Variants in GPR39 observed in about 807,000 individuals in gnomAD.
GPR39 encodes the protein zinc sensing receptor.
A neutral mutation model predicts 18.4 loss-of-function variants in GPR39; 23 were observed. The observed-to-expected ratio is 1.25, with a 90% CI of 0.90 to 1.77. The LOEUF is 1.77. Among genes scored for constraint, GPR39 ranks in the 40% most tolerant of loss-of-function variants. GPR39 has a pLI of 0.00. For missense variants in GPR39, 647 were observed against 602.4 expected, an observed-to-expected ratio of 1.07 and a Z score of -0.78; for synonymous variants, 280 against 257.9, an observed-to-expected ratio of 1.09 and a Z score of -0.82.
At chr2:132,551,522 T>C (rs1422598974) in intron 1 of GPR39, among the ~76,000 whole-genome samples, 1 of 152,186 alleles carries the variant, frequency 6.6e-6, no homozygotes, top group Non-Finnish European at 1.5e-5. Context: ...GTATGTAATA[T>C]GTTTGGAGTA....
At chr2:132,478,467 T>C (rs951749974) in intron 1 of GPR39, among the ~76,000 whole-genome samples, 1 of 152,234 alleles carries the variant, frequency 6.6e-6, no homozygotes, top group African/African-American at 2.4e-5. Context: ...CTACATCTAA[T>C]TTATTTGTCA....
At chr2:132,564,165 C>T (rs1318960358) in intron 1 of GPR39, among the ~76,000 whole-genome samples, 1 of 152,188 alleles carries the variant, frequency 6.6e-6, no homozygotes, top group East Asian at 1.9e-4. Flanking sequence ...AGGTGGGAGT[C>T]ACCACTGAAA....
chr2:132,595,301 C>CT (rs936521845), intron 1 of GPR39, among the ~76,000 whole-genome samples: 33 of 152,188 alleles, frequency 2.2e-4, no homozygotes, highest in African/African-American at 6.0e-4. Context: ...CGTGCCTGGC[C>CT]TTTTTTTCAG....
intron 1 of GPR39, among the ~76,000 whole-genome samples, chr2:132,637,528 T>C (rs1380223343): frequency 6.6e-6 from 1 of 152,266 alleles, no homozygotes; most frequent in African/African-American, 2.4e-5. Context: ...AGTTGTGGCC[T>C]GCGCCTTTCT....
At chr2:132,631,512 G>T (rs1230945640) in intron 1 of GPR39, among the ~76,000 whole-genome samples, 3 of 152,168 alleles carry the variant, frequency 2.0e-5, no homozygotes, top group African/African-American at 7.2e-5. Context: ...GAGCTTTACT[G>T]ATTTCTGTTG....
intron 1 of GPR39, among the ~76,000 whole-genome samples, chr2:132,553,441 T>A (rs1680092413): frequency 6.6e-6 from 1 of 151,642 alleles, no homozygotes; most frequent in Non-Finnish European, 1.5e-5. Flanking sequence ...CATATATATA[T>A]ATACCATTAG....
intron 1 of GPR39, among the ~76,000 whole-genome samples, chr2:132,535,695 C>CTTTTTTTTTTTTTTTTTTTTTTTTTTTT (rs753801511): frequency 1.1e-4 from 11 of 96,516 alleles, no homozygotes; most frequent in Non-Finnish European, 1.2e-4. Context: ...TGGTCCTGGG[C>CTTTTTTTTTTTTTTTTTTTTTTTTTTTT]TTTTTTTTTT....
intron 1 of GPR39, among the ~76,000 whole-genome samples, chr2:132,522,465 T>G (rs955644048): frequency 2.6e-5 from 4 of 152,236 alleles, no homozygotes; most frequent in African/African-American, 7.2e-5. Context: ...AAATGTATTC[T>G]CTGTGATAGG....
chr2:132,460,698 C>T (rs796411251), intron 1 of GPR39, among the ~76,000 whole-genome samples: 6 of 152,250 alleles, frequency 3.9e-5, no homozygotes, highest in African/African-American at 1.4e-4. Flanking sequence ...GAAGACTCTG[C>T]CAACAATTTC....
At chr2:132,461,910 T>C (rs1680839826) in intron 1 of GPR39, among the ~76,000 whole-genome samples, 2 of 152,122 alleles carry the variant, frequency 1.3e-5, no homozygotes, top group South Asian at 4.1e-4. Flanking sequence ...GAACCCCCCA[T>C]ATGTTAATGG....
At chr2:132,555,037 C>T (rs1417595309) in intron 1 of GPR39, among the ~76,000 whole-genome samples, 1 of 151,906 alleles carries the variant, frequency 6.6e-6, no homozygotes, top group Non-Finnish European at 1.5e-5. Flanking sequence ...CTGCAACATC[C>T]ACCTCCCAGG....
intron 1 of GPR39, among the ~76,000 whole-genome samples, chr2:132,533,598 T>C (rs1410618440): frequency 3.3e-5 from 5 of 151,946 alleles, no homozygotes; most frequent in South Asian, 4.2e-4. Context: ...TCAAACTATA[T>C]TACAAGGCTA....
intron 1 of GPR39, among the ~76,000 whole-genome samples, chr2:132,623,560 G>A (rs1329186222): frequency 6.6e-6 from 1 of 152,182 alleles, no homozygotes; most frequent in East Asian, 1.9e-4. Flanking sequence ...CCTTCAAAAA[G>A]CGAAGGCAAA....
rs116760742 is a variant in GPR39 at position 132,508,466 on chromosome 2, C to T, written c.856+90568C>T. 2.4e-3 allele frequency among the ~76,000 whole-genome samples: 365 copies of T among 152,146 alleles called. 1 individual carries two copies. The highest frequency in any genetic ancestry group is 3.8e-3 in the Non-Finnish European group (257 of 68,002). ...GTGGGTTAGTAGAAGGGCTGCCCTC[C>T]GAGAATTGGAGACTAAATGCTCAGG... On this transcript the variant is annotated intron_variant, in intron 1 of 1. Coordinates refer to ENST00000329321, the MANE Select transcript of GPR39 (RefSeq NM_001508.3).
chr2:132,530,067 G>A (rs190169926), intron 1 of GPR39, among the ~76,000 whole-genome samples: 39 of 152,156 alleles, frequency 2.6e-4, no homozygotes, highest in African/African-American at 8.0e-4. Flanking sequence ...GCTAAAGGAG[G>A]AAGTTCGAAC....
intron 1 of GPR39, among the ~76,000 whole-genome samples, chr2:132,480,181 T>C (rs559064272): frequency 2.0e-5 from 3 of 152,308 alleles, no homozygotes; most frequent in African/African-American, 7.2e-5. Context: ...ACTATATGAT[T>C]TGACTTATAT....
chr2:132,518,955 G>T (rs940153907), intron 1 of GPR39, among the ~76,000 whole-genome samples: 15 of 152,178 alleles, frequency 9.9e-5, no homozygotes, highest in Non-Finnish European at 1.9e-4. Flanking sequence ...ACATGGCACA[G>T]GATGGGTCTA....
At chr2:132,423,660 C>G (rs1007568442) in intron 1 of GPR39, among the ~76,000 whole-genome samples, 8 of 152,162 alleles carry the variant, frequency 5.3e-5, no homozygotes, top group African/African-American at 1.7e-4. Flanking sequence ...TCTTTCTCCT[C>G]TCTCAGATCT....
intron 1 of GPR39, among the ~76,000 whole-genome samples, chr2:132,427,930 A>T (rs1471913623): frequency 6.9e-6 from 1 of 145,772 alleles, no homozygotes; most frequent in East Asian, 2.0e-4. Flanking sequence ...TATATATATT[A>T]TATATAGTTA....
Sources: gnomAD v4.1 joint callset for allele counts (sites outside exome capture counted in the v4.1 genomes callset) on GRCh38, gnomAD v4.1.1 for gene constraint, MANE v1.5 for transcripts, NCBI Gene and HGNC (gene_info 2026-07-23, HGNC 2026-07-21) for gene names.